Variants in LRRC56 observed in about 807,000 individuals in gnomAD.
The protein encoded by LRRC56 is leucine rich repeat containing 56, also known as leucine-rich repeat-containing protein 56.
Under a neutral mutation model 47.8 loss-of-function variants are expected in LRRC56, and 41 were observed. The ratio of observed to expected loss-of-function variants is 0.86; its 90% CI spans 0.67 to 1.11. The LOEUF is 1.11. Among genes scored for constraint, LRRC56 ranks in the 50% most tolerant of loss-of-function variants. LRRC56 has a pLI of 0.00. For synonymous variants in LRRC56, 387 were observed against 311.2 expected, an observed-to-expected ratio of 1.24 and a Z score of -2.56; for missense variants, 759 against 704.2, an observed-to-expected ratio of 1.08 and a Z score of -0.88.
chr11:511,370 A>G, the LRRC56 span, among the ~76,000 whole-genome samples: 1 of 152,102 alleles, frequency 6.6e-6, no homozygotes, highest in Non-Finnish European at 1.5e-5. Context: ...GAAGTAGCAA[A>G]TATTTGAGAA....
chr11:545,396 T>A (rs968308623), intron 6 of LRRC56, among the ~76,000 whole-genome samples: 1 of 152,000 alleles, frequency 6.6e-6, no homozygotes, highest in Non-Finnish European at 1.5e-5. Context: ...GCCACGAGCT[T>A]GGGGTTTGGG....
Position 550,016 on chromosome 11 carries a change from G to A in LRRC56, c.423+18G>A. 6.2e-7 allele frequency: 1 copy of A among 1,611,426 alleles called. No homozygotes were observed. The highest frequency in any genetic ancestry group is 8.5e-7 in the Non-Finnish European group (1 of 1,178,672). Reference sequence around the variant, plus strand: ...CACTTAAGGTGAGTCTGGGCACCCTGGGCTGGGGAGGCCTGGGCTGGGCCG... The same window carrying A: ...CACTTAAGGTGAGTCTGGGCACCCTAGGCTGGGGAGGCCTGGGCTGGGCCG... On this transcript the variant is annotated intron_variant, in intron 7 of 13. Transcript: ENST00000270115.
At chr11:550,371 CCACCCG>C in intron 8 of LRRC56, 99 bp downstream of exon 8, 2 of 1,117,142 alleles carry the variant, frequency 1.8e-6, no homozygotes. Context: ...ACTTCTGTGC[CCACCCG>C]CACCCTATGG....
chr11:540,989 C>A, intron 4 of LRRC56, 128 bp downstream of exon 4: 1 of 834,128 alleles, frequency 1.2e-6, no homozygotes, highest in Non-Finnish European at 1.8e-6. Context: ...TGATGGTTGG[C>A]CTCAGCCCAG....
intron 13 of LRRC56, 76 bp from the exon 14 acceptor site, chr11:553,887 G>A: frequency 7.3e-7 from 1 of 1,369,002 alleles, no homozygotes. Context: ...GCCACGGGTG[G>A]GCTGTGGCCT....
At chr11:527,231 G>A in the LRRC56 span, among the ~76,000 whole-genome samples, 1 of 151,912 alleles carries the variant, frequency 6.6e-6, no homozygotes, top group Non-Finnish European at 1.5e-5. Flanking sequence ...AACCCAGGAG[G>A]TAGAGGTTGC....
chr11:537,918 C>A (rs1851602457), intron 1 of LRRC56, among the ~76,000 whole-genome samples: 1 of 152,154 alleles, frequency 6.6e-6, no homozygotes, highest in Non-Finnish European at 1.5e-5. Flanking sequence ...CGGGCTCTGC[C>A]TTCCGAGCCC....
chr11:517,076 C>G, the LRRC56 span, among the ~76,000 whole-genome samples: 1 of 152,278 alleles, frequency 6.6e-6, no homozygotes, highest in African/African-American at 2.4e-5. Context: ...TCTCCGGCTC[C>G]TGACCTCCAA....
rs143248513 is a variant in LRRC56 at position 550,081 on chromosome 11, G to A, written c.433G>A (p.Ala145Thr). The A allele has an allele frequency of 7.7e-5, 124 of 1,612,248 alleles. No individual in the cohort carries two copies. Among genetic ancestry groups the A allele is most frequent in the South Asian group, 1.4e-4 (13 of 91,012 alleles). Residue 145 changes from alanine (A) to threonine (T), a missense_variant, in exon 8 of 14, where the codon GCC becomes ACC. By Grantham distance (58) the Ala-to-Thr change is moderately conservative. Coordinates refer to ENST00000270115, the MANE Select transcript of LRRC56 (RefSeq NM_198075.4). ...GCCCCGCGCTGCCCAGGAACTCTAC[G>A]CCTCCTACAACAACATCTCGGACCT... ...ASLPALKELY[A>T]SYNNISDLSP...
chr11:547,501 T>C (rs71490503), intron 6 of LRRC56, among the ~76,000 whole-genome samples: 14,220 of 151,354 alleles, frequency 0.094, 906 homozygotes, highest in Admixed American at 0.18. Flanking sequence ...TACAGGCGCC[T>C]GCCACCACGC....
At chr11:547,417 A>G (rs1361163277) in intron 6 of LRRC56, among the ~76,000 whole-genome samples, 2 of 151,774 alleles carry the variant, frequency 1.3e-5, no homozygotes, top group Non-Finnish European at 2.9e-5. Flanking sequence ...GCAGTGGCGC[A>G]ATCTCGGCTC....
the LRRC56 span, among the ~76,000 whole-genome samples, chr11:514,896 A>G: frequency 1.3e-5 from 2 of 152,120 alleles, no homozygotes; most frequent in African/African-American, 4.8e-5. Flanking sequence ...ACGCAGCTAG[A>G]TGGTTTTCTC....
the LRRC56 span, among the ~76,000 whole-genome samples, chr11:530,998 G>C: frequency 1.1e-4 from 6 of 54,806 alleles, no homozygotes; most frequent in Non-Finnish European, 1.0e-4. Context: ...GTCCCCTGGA[G>C]AGAAGGGCGA....
chr11:545,344 C>T (rs191345738), intron 6 of LRRC56, among the ~76,000 whole-genome samples: 8 of 152,348 alleles, frequency 5.3e-5, no homozygotes, highest in Admixed American at 1.3e-4. Flanking sequence ...TTCTGGCCCC[C>T]GCACGGCTCA....
At chr11:538,202 T>G (rs1290187366) in intron 1 of LRRC56, among the ~76,000 whole-genome samples, 2 of 152,152 alleles carry the variant, frequency 1.3e-5, no homozygotes, top group African/African-American at 4.8e-5. Context: ...GCCTTGGGGC[T>G]CAGACCAGTC....
the LRRC56 span, among the ~76,000 whole-genome samples, chr11:525,333 A>G: frequency 6.6e-6 from 1 of 151,946 alleles, no homozygotes; most frequent in South Asian, 2.1e-4. Context: ...AGGTCAGGAG[A>G]TCGAGACCAT....
At chr11:522,474 G>A in the LRRC56 span, among the ~76,000 whole-genome samples, 1 of 152,080 alleles carries the variant, frequency 6.6e-6, no homozygotes, top group Non-Finnish European at 1.5e-5. Flanking sequence ...CACTGTGTTA[G>A]CCAGGATACT....
the LRRC56 span, among the ~76,000 whole-genome samples, chr11:512,013 G>A: frequency 4.6e-5 from 7 of 150,916 alleles, no homozygotes; most frequent in Non-Finnish European, 7.4e-5. Flanking sequence ...GCGTGATCTC[G>A]GCTCACTGCA....
the LRRC56 span, among the ~76,000 whole-genome samples, chr11:527,129 G>A: frequency 0.096 from 14,547 of 151,794 alleles, 960 homozygotes; most frequent in Admixed American, 0.19. Flanking sequence ...GTGAAACCCC[G>A]TCTCTACAAA....
Sources: allele counts gnomAD v4.1 joint callset (sites outside exome capture counted in the v4.1 genomes callset), GRCh38; gene constraint gnomAD v4.1.1; transcripts MANE v1.5; gene names NCBI Gene and HGNC (gene_info 2026-07-23, HGNC 2026-07-21).